Variants in MGAT4A observed in about 807,000 individuals in gnomAD.
MGAT4A encodes N-acetylglucosaminyltransferase IVa.
Under a neutral mutation model 74.1 loss-of-function variants are expected in MGAT4A, and 33 were observed. That is an observed-to-expected ratio of 0.45 (90% CI 0.34 to 0.60). MGAT4A has a LOEUF of 0.60. Ranked by LOEUF, MGAT4A falls within the 20% of genes least tolerant of loss-of-function variation. The pLI is 0.02. For synonymous variants in MGAT4A, 198 were observed against 210.4 expected, an observed-to-expected ratio of 0.94 and a Z score of 0.51; for missense variants, 479 against 628.3, an observed-to-expected ratio of 0.76 and a Z score of 2.54.
At chr2:98,726,982 T>C (rs987392485) in intron 1 of MGAT4A, 2 of 139,718 alleles carry the variant, frequency 1.4e-5, no homozygotes, top group African/African-American at 6.4e-5. Context: ...GAATACAATA[T>C]ATAAGGGTCA....
At chr2:98,705,462 G>A (rs1355651255) in intron 2 of MGAT4A, among the ~76,000 whole-genome samples, 4 of 152,020 alleles carry the variant, frequency 2.6e-5, no homozygotes, top group Non-Finnish European at 4.4e-5. Flanking sequence ...TGCCTAGGAC[G>A]GTTCCAATTT....
In MGAT4A at chr2:98,625,536, C is replaced by T. The variant is rs1164353711; in HGVS notation, c.*30G>A. ...TAACTATCTTTAATTAACAAATTCA[C>T]AGGAAAAAATGTGTTGGTTTCTCAG... is the stretch of plus-strand genomic sequence containing the variant. On this transcript the variant is annotated 3_prime_UTR_variant, in exon 16 of 16. Coordinates refer to ENST00000393487, the MANE Select transcript of MGAT4A (RefSeq NM_012214.3). 1 of 1,600,192 alleles carries T rather than the reference C, an allele frequency of 6.2e-7. No individual in the cohort carries two copies. The highest frequency in any genetic ancestry group is 1.8e-5 in the Admixed American group (1 of 56,116).
chr2:98,636,966 A>G (rs1052638080), intron 12 of MGAT4A, among the ~76,000 whole-genome samples: 2 of 151,924 alleles, frequency 1.3e-5, no homozygotes, highest in African/African-American at 4.8e-5. Flanking sequence ...GCTGTATCTT[A>G]TATCAGAAAA....
chr2:98,723,121 A>G (rs531566531), intron 2 of MGAT4A, among the ~76,000 whole-genome samples: 1 of 152,312 alleles, frequency 6.6e-6, no homozygotes, highest in African/African-American at 2.4e-5. Context: ...ATACTCCCCA[A>G]CTTATGCCAA....
At chr2:98,720,202 C>T (rs1295719861) in intron 2 of MGAT4A, among the ~76,000 whole-genome samples, 1 of 152,174 alleles carries the variant, frequency 6.6e-6, no homozygotes, top group African/African-American at 2.4e-5. Flanking sequence ...AAGGAATGCC[C>T]AGACAGCTGA....
intron 8 of MGAT4A, among the ~76,000 whole-genome samples, chr2:98,649,940 G>T (rs1046496325): frequency 6.6e-6 from 1 of 152,114 alleles, no homozygotes; most frequent in African/African-American, 2.4e-5. Flanking sequence ...CAACCCCAAA[G>T]AAATGAAGAC....
At chr2:98,693,033 A>G (rs1209945501) in intron 2 of MGAT4A, among the ~76,000 whole-genome samples, 3 of 152,246 alleles carry the variant, frequency 2.0e-5, no homozygotes, top group African/African-American at 7.2e-5. Flanking sequence ...AACTAGAGAC[A>G]AAGAAGAAAT....
chr2:98,648,738 G>A (rs201912755), intron 8 of MGAT4A, among the ~76,000 whole-genome samples: 2,708 of 139,962 alleles, frequency 0.019, 77 homozygotes, highest in East Asian at 0.087. Context: ...AAAAAAAAAA[G>A]CTCACTGACA....
Position 98,622,618 on chromosome 2 carries a change from G to C in MGAT4A, c.*2948C>G, listed in dbSNP as rs1321009475. 3.0e-6 allele frequency: 3 copies of C among 985,392 alleles called. No homozygotes were observed. Among genetic ancestry groups the C allele is most frequent in the Non-Finnish European group, 3.6e-6 (3 of 830,028 alleles). The allele number at this position is 985,392 out of a possible 1,614,324, so 61.0% of individuals were successfully genotyped here. A position where few individuals can be genotyped will look rare whatever the true frequency, so the allele number is the denominator to read the frequency against. ...CACTACAATTTCCTGCTTGGGGAAA[G>C]GATGGCTGCTTCTACTAGTTGAGTG... On this transcript the variant is annotated 3_prime_UTR_variant, in exon 16 of 16. Coordinates refer to ENST00000393487, the MANE Select transcript of MGAT4A (RefSeq NM_012214.3).
chr2:98,622,773 A>C lies in MGAT4A; in HGVS notation c.*2793T>G. The C allele has an allele frequency of 2.0e-6, 2 of 985,662 alleles. No homozygotes were observed. Among genetic ancestry groups the C allele is most frequent in the Non-Finnish European group, 2.4e-6 (2 of 830,100 alleles). The allele number at this position is 985,662 out of a possible 1,614,324, so 61.1% of individuals were successfully genotyped here. A position where few individuals can be genotyped will look rare whatever the true frequency, so the allele number is the denominator to read the frequency against. On this transcript the variant is annotated 3_prime_UTR_variant, in exon 16 of 16. Coordinates refer to ENST00000393487, the MANE Select transcript of MGAT4A (RefSeq NM_012214.3). ...CCTGAAATCTGGTCAGAGAGACAGC[A>C]CACACCATACACACAAACAATCAAA...
At chr2:98,658,367 AC>A (rs1436825062) in intron 5 of MGAT4A, 103 bp from the exon 6 acceptor site, 3 of 652,172 alleles carry the variant, frequency 4.6e-6, no homozygotes, top group Non-Finnish European at 7.8e-6. Flanking sequence ...ATTCATTAAA[AC>A]CATACATTAA....
At chr2:98,659,273 A>G (rs1162882354) in intron 5 of MGAT4A, among the ~76,000 whole-genome samples, 3 of 152,212 alleles carry the variant, frequency 2.0e-5, no homozygotes, top group Non-Finnish European at 2.9e-5. Flanking sequence ...GGCTAGCTGT[A>G]AGGACTGACA....
At chr2:98,715,964 A>T (rs1239763775) in intron 2 of MGAT4A, among the ~76,000 whole-genome samples, 12 of 152,236 alleles carry the variant, frequency 7.9e-5, no homozygotes, top group Admixed American at 7.2e-4. Context: ...AAGTGATCGA[A>T]GCAAACATCA....
At chr2:98,712,649 C>A (rs1291723754) in intron 2 of MGAT4A, among the ~76,000 whole-genome samples, 1 of 152,140 alleles carries the variant, frequency 6.6e-6, no homozygotes, top group East Asian at 1.9e-4. Flanking sequence ...ATATCTAAAC[C>A]TGCTGAACTG....
At chr2:98,681,486 G>C (rs889871944) in intron 2 of MGAT4A, among the ~76,000 whole-genome samples, 1 of 152,164 alleles carries the variant, frequency 6.6e-6, no homozygotes, top group Non-Finnish European at 1.5e-5. Context: ...TTTCAGTCCA[G>C]AGAGTGTGGA....
intron 4 of MGAT4A, among the ~76,000 whole-genome samples, chr2:98,667,971 G>T (rs182927910): frequency 6.6e-6 from 1 of 152,136 alleles, no homozygotes; most frequent in Non-Finnish European, 1.5e-5. Context: ...ACCCGCCTCG[G>T]CCTCCCAAAG....
chr2:98,696,385 T>G (rs1321609517), intron 2 of MGAT4A, among the ~76,000 whole-genome samples: 1 of 152,230 alleles, frequency 6.6e-6, no homozygotes, highest in Non-Finnish European at 1.5e-5. Context: ...TGTACGTCTG[T>G]GGCAACAGGC....
intron 14 of MGAT4A, among the ~76,000 whole-genome samples, chr2:98,630,021 G>C (rs1322681949): frequency 6.6e-6 from 1 of 152,182 alleles, no homozygotes; most frequent in Non-Finnish European, 1.5e-5. Flanking sequence ...ACTCTACCCT[G>C]GGCGACAGAG....
At chr2:98,661,747 A>G (rs1701752762) in intron 5 of MGAT4A, among the ~76,000 whole-genome samples, 1 of 152,184 alleles carries the variant, frequency 6.6e-6, no homozygotes, top group Non-Finnish European at 1.5e-5. Flanking sequence ...AAACATGTTC[A>G]TAATTTACCC....
Sources: gnomAD v4.1 joint callset for allele counts (sites outside exome capture counted in the v4.1 genomes callset) on GRCh38, gnomAD v4.1.1 for gene constraint, MANE v1.5 for transcripts, NCBI Gene and HGNC (gene_info 2026-07-23, HGNC 2026-07-21) for gene names.